Variants in RMDN2 observed in about 807,000 individuals in gnomAD.
The protein encoded by RMDN2 is regulator of microtubule dynamics protein 2.
A neutral mutation model predicts 52.8 loss-of-function variants in RMDN2; 61 were observed. That is an observed-to-expected ratio of 1.16 (90% CI 0.94 to 1.43). The LOEUF (loss-of-function observed/expected upper bound fraction) is 1.43, where lower values mean the gene tolerates loss of function less well. RMDN2 is among the 40% of genes most tolerant of loss of function. The pLI is 0.00. For missense variants in RMDN2, 592 were observed against 475.3 expected (o/e 1.25, Z -2.28); for synonymous variants, 180 against 153.1 (o/e 1.18, Z -1.30).
At chr2:38,014,503 A>C (rs929067537) in intron 10 of RMDN2, among the ~76,000 whole-genome samples, 1 of 152,236 alleles carries the variant, frequency 6.6e-6, no homozygotes, top group Non-Finnish European at 1.5e-5. Context: ...ATGATACAGC[A>C]TCAGTTTGGG....
intron 2 of RMDN2, among the ~76,000 whole-genome samples, chr2:37,950,930 C>T (rs1441110302): frequency 6.6e-6 from 1 of 152,010 alleles, no homozygotes; most frequent in African/African-American, 2.4e-5. Context: ...ATATGTTTCC[C>T]CTGATCTTTC....
At chr2:37,980,907 C>T (rs1251204318) in intron 4 of RMDN2, among the ~76,000 whole-genome samples, 5 of 152,144 alleles carry the variant, frequency 3.3e-5, no homozygotes, top group Non-Finnish European at 7.3e-5. Flanking sequence ...CCCAGACACT[C>T]ACACAGTATG....
chr2:38,018,829 G>T (rs1679113817), downstream of RMDN2, among the ~76,000 whole-genome samples: 8 of 152,198 alleles, frequency 5.3e-5, no homozygotes, highest in Admixed American at 5.2e-4. Context: ...TTGGAAGTCA[G>T]AGTAAAAATT....
At chr2:38,020,641 G>A (rs1440841955), downstream of RMDN2, among the ~76,000 whole-genome samples, 7 of 152,222 alleles carry the variant, frequency 4.6e-5, no homozygotes, top group African/African-American at 1.7e-4. Context: ...GGCAATGAGG[G>A]GCTTAGCACC....
chr2:38,023,065 A>G (rs545521321), intron 10 of RMDN2, among the ~76,000 whole-genome samples: 16 of 152,328 alleles, frequency 1.1e-4, no homozygotes, highest in African/African-American at 3.8e-4. Flanking sequence ...GTAATTACCT[A>G]TTCCAAGTGT....
chr2:38,039,073 CACACACACACACACACACACAGAG>C (rs1439252612), intron 10 of RMDN2, among the ~76,000 whole-genome samples: 2 of 110,234 alleles, frequency 1.8e-5, no homozygotes, highest in African/African-American at 3.8e-5. Flanking sequence ...CACACACACA[CACACACACACACACACACACAGAG>C]AGAGAGATAA....
chr2:38,028,292 A>G (rs1449333556), intron 10 of RMDN2: 1 of 152,232 alleles, frequency 6.6e-6, no homozygotes, highest in Non-Finnish European at 1.5e-5. Context: ...TTCAAAGCTG[A>G]CAAATACTAC....
At position 38,004,265 on chromosome 2, in the gene RMDN2, C is replaced by T. The variant is rs114211292; in HGVS notation, c.1179+49C>T. 2,022 of 1,291,042 alleles carry T rather than the reference C, an allele frequency of 1.6e-3. 27 individuals carry two copies. In the African/African-American group the frequency reaches 0.024, roughly 15 times the overall value. The allele number at this position is 1,291,042 out of a possible 1,614,324, so 80.0% of individuals were successfully genotyped here. Reference sequence around the variant, plus strand: ...GTGCTGTTGTCTTGTTAGTACTATTCGAGCTCAAAACAGGAATAACTCGCT... The same window carrying T: ...GTGCTGTTGTCTTGTTAGTACTATTTGAGCTCAAAACAGGAATAACTCGCT... On this transcript the variant is annotated intron_variant, in intron 10 of 10. Coordinates refer to ENST00000354545, the MANE Select transcript of RMDN2 (RefSeq NM_001170791.3).
intron 4 of RMDN2, among the ~76,000 whole-genome samples, chr2:37,979,078 T>C (rs1240642886): frequency 6.6e-6 from 1 of 152,158 alleles, no homozygotes; most frequent in Non-Finnish European, 1.5e-5. Flanking sequence ...GAGAAGAGTT[T>C]ATAGTGCCAA....
chr2:37,938,048 T>A (rs1319999384), intron 2 of RMDN2, among the ~76,000 whole-genome samples: 2 of 152,212 alleles, frequency 1.3e-5, no homozygotes, highest in Non-Finnish European at 2.9e-5. Flanking sequence ...GCTTTTATTA[T>A]TTTCAGATAT....
chr2:38,004,065 G>A (rs748465673), intron 9 of RMDN2, 21 bp downstream of exon 9: 1 of 1,609,156 alleles, frequency 6.2e-7, no homozygotes, highest in African/African-American at 1.3e-5. Context: ...CCACTGTTCT[G>A]CTTTAAGATC....
chr2:38,015,362 C>G (rs751792707), intron 10 of RMDN2, among the ~76,000 whole-genome samples: 2 of 152,026 alleles, frequency 1.3e-5, no homozygotes, highest in African/African-American at 4.8e-5. Flanking sequence ...GTCAAGAGAT[C>G]GAGACCATCC....
chr2:37,947,339 A>G (rs554832516), intron 2 of RMDN2, among the ~76,000 whole-genome samples: 2 of 152,320 alleles, frequency 1.3e-5, no homozygotes, highest in Admixed American at 6.5e-5. Flanking sequence ...TAATTTTAAT[A>G]AACTTCTTTC....
chr2:37,942,550 T>A (rs1667884206), intron 2 of RMDN2, among the ~76,000 whole-genome samples: 1 of 152,236 alleles, frequency 6.6e-6, no homozygotes, highest in South Asian at 2.1e-4. Flanking sequence ...GAGCAGTATA[T>A]GAGAATTCTT....
At chr2:37,961,258 T>A (rs1670194534) in intron 2 of RMDN2, among the ~76,000 whole-genome samples, 1 of 152,164 alleles carries the variant, frequency 6.6e-6, no homozygotes, top group Non-Finnish European at 1.5e-5. Context: ...GGGGAAGTTC[T>A]TCTGGATAAT....
chr2:38,051,554 T>C (rs991739632), intron 10 of RMDN2, among the ~76,000 whole-genome samples: 1 of 152,258 alleles, frequency 6.6e-6, no homozygotes, highest in Non-Finnish European at 1.5e-5. Flanking sequence ...TCAAATCTTC[T>C]AGCTATTTTG....
chr2:38,015,060 C>T (rs901544815), intron 10 of RMDN2, among the ~76,000 whole-genome samples: 7 of 152,158 alleles, frequency 4.6e-5, no homozygotes, highest in African/African-American at 1.7e-4. Context: ...CAGTAGAGGG[C>T]TCATTAAAAA....
intron 2 of RMDN2, chr2:37,950,463 C>A (rs1459223181): frequency 7.4e-6 from 12 of 1,610,900 alleles, no homozygotes; most frequent in Non-Finnish European, 1.0e-5. Context: ...ATGTTAACTC[C>A]ACATGCAGCT....
chr2:37,950,329 A>G (rs373275123), intron 2 of RMDN2: 27 of 887,810 alleles, frequency 3.0e-5, no homozygotes, highest in South Asian at 2.6e-4. Context: ...CAGTGAAGGT[A>G]GAAACACATT....
Sources: gnomAD v4.1 joint callset for allele counts (sites outside exome capture counted in the v4.1 genomes callset) on GRCh38, gnomAD v4.1.1 for gene constraint, MANE v1.5 for transcripts, NCBI Gene and HGNC (gene_info 2026-07-23, HGNC 2026-07-21) for gene names.